Variants in ALG8 observed in about 807,000 individuals in gnomAD.
The protein encoded by ALG8 is ALG8 alpha-1,3-glucosyltransferase, also known as dolichyl pyrophosphate Glc1Man9GlcNAc2 alpha-1,3-glucosyltransferase.
Under a neutral mutation model 70.2 loss-of-function variants are expected in ALG8, and 48 were observed. The ratio of observed to expected loss-of-function variants is 0.68; its 90% CI spans 0.54 to 0.87. ALG8 has a LOEUF of 0.87. Ranked by LOEUF, ALG8 falls within the 40% of genes least tolerant of loss-of-function variation. The pLI, the probability that ALG8 is intolerant of heterozygous loss-of-function variation, is 0.00. For synonymous variants in ALG8, 234 were observed against 229.0 expected, an observed-to-expected ratio of 1.02 and a Z score of -0.20; for missense variants, 572 against 608.7, an observed-to-expected ratio of 0.94 and a Z score of 0.64.
At chr11:78,129,803 C>T (rs1861227003) in intron 1 of ALG8, among the ~76,000 whole-genome samples, 1 of 152,030 alleles carries the variant, frequency 6.6e-6, no homozygotes, top group Non-Finnish European at 1.5e-5. Flanking sequence ...TTATACAGCC[C>T]ACATAAACAT....
chr11:78,118,615 C>CAA (rs60253317), intron 5 of ALG8, among the ~76,000 whole-genome samples: 33 of 88,080 alleles, frequency 3.7e-4, no homozygotes, highest in Non-Finnish European at 4.6e-4. Flanking sequence ...GACTCATTCT[C>CAA]AAAAAAAAAA....
Position 78,127,553 on chromosome 11 carries a change from C to CT in ALG8, c.96-118dup. The CT allele has an allele frequency of 4.7e-6, 4 of 853,142 alleles. No homozygotes were observed. The South Asian group carries it at 5.7e-5, about 12-fold the overall frequency. 52.8% of individuals were successfully genotyped at this position (853,142 alleles called of 1,614,324 possible). ...CCCTAAGCTGTCACAGCTCACTGTCCTATAGAGACACAAATAGACATTACA... is the reference window on the plus strand; with the variant it reads ...CCCTAAGCTGTCACAGCTCACTGTCCTTATAGAGACACAAATAGACATTACA... On this transcript the variant is annotated intron_variant, in intron 1 of 12. Coordinates refer to ENST00000299626, the MANE Select transcript of ALG8 (RefSeq NM_024079.5).
intron 10 of ALG8, among the ~76,000 whole-genome samples, chr11:78,106,206 T>C (rs892853884): frequency 5.9e-5 from 9 of 152,158 alleles, no homozygotes; most frequent in Non-Finnish European, 1.0e-4. Context: ...TTTTTCTTTT[T>C]TTCATTTTTG....
intron 12 of ALG8, among the ~76,000 whole-genome samples, chr11:78,102,668 G>C (rs1162564667): frequency 1.2e-4 from 18 of 152,118 alleles, no homozygotes; most frequent in Admixed American, 1.2e-3. Context: ...AAAAATTACA[G>C]TTGGCCGGGC....
intron 1 of ALG8, chr11:78,135,132 T>C (rs1192512774): frequency 6.6e-6 from 1 of 152,202 alleles, no homozygotes; most frequent in African/African-American, 2.4e-5. Context: ...GGCAGGCAGA[T>C]TGCTTGAGCA....
chr11:78,118,742 G>A (rs1017396675), intron 5 of ALG8, among the ~76,000 whole-genome samples: 1 of 151,632 alleles, frequency 6.6e-6, no homozygotes, highest in East Asian at 1.9e-4. Flanking sequence ...TCAGGAGTTC[G>A]AGCCAACATG....
Position 78,130,737 on chromosome 11 carries a change from T to C in ALG8, c.96-3301A>G, listed in dbSNP as rs760852044. On this transcript the variant is annotated intron_variant, in intron 1 of 12. Coordinates refer to ENST00000299626, the MANE Select transcript of ALG8 (RefSeq NM_024079.5). ...GTGATTAATGTCTTCATGAGGGTCTTTTTTCATTAATTATGCTGAGTATGT... is the reference window on the plus strand; with the variant it reads ...GTGATTAATGTCTTCATGAGGGTCTCTTTTCATTAATTATGCTGAGTATGT... Among the ~76,000 whole-genome samples the C allele has an allele frequency of 9.1e-4, 139 of 152,298 alleles. 1 individual carries two copies. Among genetic ancestry groups the C allele is most frequent in the Non-Finnish European group, 1.4e-3 (98 of 68,028 alleles).
chr11:78,121,873 A>G (rs149261188), intron 3 of ALG8, among the ~76,000 whole-genome samples: 1 of 152,336 alleles, frequency 6.6e-6, no homozygotes, highest in African/African-American at 2.4e-5. Context: ...TTATGTAAAA[A>G]TGTATGTCAT....
intron 2 of ALG8, 84 bp downstream of exon 2, chr11:78,127,274 G>T: frequency 7.7e-7 from 1 of 1,303,044 alleles, no homozygotes; most frequent in South Asian, 1.3e-5. Flanking sequence ...ACCGCACCCA[G>T]CCAGAAAACA....
At chr11:78,114,232 C>T (rs201887966) in intron 6 of ALG8, 34 bp downstream of exon 6, 15 of 1,613,174 alleles carry the variant, frequency 9.3e-6, no homozygotes, top group Admixed American at 1.7e-5. Context: ...AGGGAAAAAT[C>T]GAAAATGTTT....
At position 78,113,977 on chromosome 11, in the gene ALG8, C is replaced by T. The variant is rs756061099; in HGVS notation, c.686G>A (p.Arg229Gln). Residue 229 changes from arginine (R) to glutamine (Q), a missense_variant, in exon 7 of 13, where the codon CGA becomes CAA. Transcript: ENST00000299626. Reference protein sequence around the residue: ...FTANKPDGSIRWKSFSFVRVI... With the variant: ...FTANKPDGSIQWKSFSFVRVI... Reference sequence around the variant, plus strand: ...ACGAACAAAGCTGAAACTCTTCCATCGAATAGACCCATCTACAGAAAAGGA... The same window carrying T: ...ACGAACAAAGCTGAAACTCTTCCATTGAATAGACCCATCTACAGAAAAGGA... 9 of 1,601,892 alleles carry T rather than the reference C, an allele frequency of 5.6e-6. No individual in the cohort carries two copies. Among genetic ancestry groups the T allele is most frequent in the Admixed American group, 5.2e-5 (3 of 58,148 alleles).
intron 5 of ALG8, among the ~76,000 whole-genome samples, chr11:78,116,316 G>A (rs1860564620): frequency 6.6e-6 from 1 of 152,148 alleles, no homozygotes; most frequent in Admixed American, 6.6e-5. Flanking sequence ...GTTGCAGTGA[G>A]CTGAGATCGC....
chr11:78,124,117 T>C lies in ALG8; in HGVS notation c.272A>G (p.Asn91Ser), dbSNP rs1860953603. 1 of 1,614,046 alleles carries C rather than the reference T, an allele frequency of 6.2e-7. No individual in the cohort carries two copies. The highest frequency in any genetic ancestry group is 1.7e-5 in the Admixed American group (1 of 59,992). ...GCTGGAGTAATTCAAATTATGGACA[T>C]TCAGCATTTCTTGATCAAAATATTT... ...VAKYFDQEML[N>S]VHNLNYSSSR... is the part of the protein sequence containing the mutation. The change falls in exon 3 of 13, where the codon AAT (asparagine) becomes AGT (serine). Residue 91 changes from asparagine to serine, a missense_variant. By Grantham distance (46) the Asn-to-Ser change is conservative (BLOSUM62 1). Coordinates refer to ENST00000299626, the MANE Select transcript of ALG8 (RefSeq NM_024079.5).
chr11:78,124,277 G>T, intron 2 of ALG8, 63 bp from the exon 3 acceptor site: 1 of 1,549,880 alleles, frequency 6.5e-7, no homozygotes, highest in South Asian at 1.1e-5. Context: ...ATGGTGCAAC[G>T]ATTTAAAATT....
In ALG8 at chr11:78,124,061, C is replaced by T. The variant is rs772876605; in HGVS notation, c.328G>A (p.Val110Ile). 5.0e-5 allele frequency: 80 copies of T among 1,613,888 alleles called. No homozygotes were observed. The highest frequency in any genetic ancestry group is 1.3e-4 in the African/African-American group (10 of 74,846). Residue 110 changes from valine (V) to isoleucine (I), a missense_variant, in exon 3 of 13, where the codon GTC (valine) becomes ATC (isoleucine). Val to Ile is a conservative substitution (Grantham distance 29). Transcript: ENST00000299626. ...ACAAAGAGTACATCCATAAAGATGA[C>T]GGAAAATCTCTGGAAAAGTAAGGTC... The part of the protein sequence containing the change: ...SRTLLFQRFS[V>I]IFMDVLFVYA...
At chr11:78,138,808 G>A (rs544014786) in intron 1 of ALG8, 28 of 456,180 alleles carry the variant, frequency 6.1e-5, no homozygotes, top group African/African-American at 4.8e-4. Context: ...TGTGGTCTTC[G>A]AAACCCTGTG....
intron 12 of ALG8, among the ~76,000 whole-genome samples, 182 bp downstream of exon 12, chr11:78,103,798 A>G (rs962897195): frequency 6.6e-6 from 1 of 152,214 alleles, no homozygotes; most frequent in Non-Finnish European, 1.5e-5. Flanking sequence ...CTAAAGACAC[A>G]AACTATGTTG....
chr11:78,132,436 T>A (rs950837499), intron 1 of ALG8, among the ~76,000 whole-genome samples: 25 of 152,182 alleles, frequency 1.6e-4, no homozygotes, highest in Non-Finnish European at 3.4e-4. Context: ...AGCCAAAAAA[T>A]ATTTTATAAA....
rs774192889 is a variant in ALG8, at chr11:78,103,986, A to G, written c.1343T>C (p.Leu448Ser). The G allele has an allele frequency of 1.4e-6, 2 of 1,477,342 alleles. No homozygotes were observed. The highest frequency in any genetic ancestry group is 1.4e-5 in the African/African-American group (1 of 72,194). The allele number at this position is 1,477,342 out of a possible 1,614,324, so 91.5% of individuals were successfully genotyped here. A position where few individuals can be genotyped will look rare whatever the true frequency, so the allele number is the denominator to read the frequency against. Residue 448 changes from leucine (L) to serine (S), a missense_variant, in exon 12 of 13, where the codon TTA (leucine) becomes TCA (serine). Leu to Ser is a moderately radical substitution (Grantham distance 145). Transcript: ENST00000299626. The part of the protein sequence containing the change: ...TIYSISSLKT[L>S]FRKEKPLFNW... ...TAAACATTTTTTTGATTACCTGAAT[A>G]AAGTCTTCAGTGACGAAATACTATA...
Sources: gnomAD v4.1 joint callset for allele counts (sites outside exome capture counted in the v4.1 genomes callset) on GRCh38, gnomAD v4.1.1 for gene constraint, MANE v1.5 for transcripts, NCBI Gene and HGNC (gene_info 2026-07-23, HGNC 2026-07-21) for gene names.